The following NECTIN3 variants were observed in gnomAD, a reference collection of about 807,000 sequenced individuals.
NECTIN3 encodes nectin-3.
Under a neutral mutation model 49.4 loss-of-function variants are expected in NECTIN3, and 8 were observed. The observed-to-expected ratio is 0.16, with a 90% CI of 0.10 to 0.29. NECTIN3 has a LOEUF of 0.29. Among genes scored for constraint, NECTIN3 ranks in the 10% least tolerant of loss-of-function variants. The pLI is 1.00. For missense variants in NECTIN3, 581 were observed against 654.6 expected, an observed-to-expected ratio of 0.89 and a Z score of 1.23; for synonymous variants, 277 against 241.1, an observed-to-expected ratio of 1.15 and a Z score of -1.38.
chr3:111,076,957 C>T (rs1009211810), intron 1 of NECTIN3, among the ~76,000 whole-genome samples: 3 of 144,218 alleles, frequency 2.1e-5, no homozygotes, highest in Non-Finnish European at 4.5e-5. Context: ...GCCTGGGTGA[C>T]GGAGCAAGAC....
At chr3:111,155,928 T>TG (rs886431710) in intron 7 of NECTIN3, among the ~76,000 whole-genome samples, 5 of 152,232 alleles carry the variant, frequency 3.3e-5, no homozygotes, top group African/African-American at 1.2e-4. Context: ...AAAATACTAG[T>TG]GGGGAGACTT....
chr3:111,177,634 A>C (rs1381063324), intron 7 of NECTIN3, among the ~76,000 whole-genome samples: 1 of 152,198 alleles, frequency 6.6e-6, no homozygotes, highest in Non-Finnish European at 1.5e-5. Context: ...GGGTGTGTTG[A>C]TGAAACTAAG....
intron 1 of NECTIN3, among the ~76,000 whole-genome samples, chr3:111,073,221 A>G (rs1271815828): frequency 6.6e-6 from 1 of 152,134 alleles, no homozygotes; most frequent in Non-Finnish European, 1.5e-5. Context: ...AGCTTGGTCA[A>G]AGATTGGTTT....
intron 3 of NECTIN3, among the ~76,000 whole-genome samples, chr3:111,120,594 A>G (rs935893052): frequency 2.0e-5 from 3 of 152,126 alleles, no homozygotes; most frequent in Admixed American, 2.0e-4. Context: ...TACCTTATCA[A>G]AAGTTCAATT....
At chr3:111,109,261 A>C (rs1691149059) in intron 1 of NECTIN3, among the ~76,000 whole-genome samples, 1 of 152,164 alleles carries the variant, frequency 6.6e-6, no homozygotes, top group African/African-American at 2.4e-5. Context: ...TCAGAGCTTC[A>C]GAATGAATTT....
intron 5 of NECTIN3, among the ~76,000 whole-genome samples, chr3:111,130,130 G>C (rs1281321253): frequency 6.6e-6 from 1 of 151,734 alleles, no homozygotes; most frequent in African/African-American, 2.4e-5. Context: ...CTAATTTTTT[G>C]TATTTTTAGT....
intron 7 of NECTIN3, among the ~76,000 whole-genome samples, chr3:111,178,528 C>G (rs1176326908): frequency 6.6e-6 from 1 of 152,202 alleles, no homozygotes; most frequent in African/African-American, 2.4e-5. Context: ...GGGAAACTCT[C>G]AGAGTCTCAT....
At chr3:111,074,885 C>A (rs76801807) in intron 1 of NECTIN3, 1 of 149,810 alleles carries the variant, frequency 6.7e-6, no homozygotes, top group East Asian at 1.9e-4. Flanking sequence ...GTTTTTTTTT[C>A]AGGGGACATA....
At chr3:111,146,352 T>C (rs2034875917) in intron 6 of NECTIN3, among the ~76,000 whole-genome samples, 1 of 147,194 alleles carries the variant, frequency 6.8e-6, no homozygotes, top group African/African-American at 2.5e-5. Flanking sequence ...GAGAATGGCG[T>C]GAACCCGGGA....
intron 1 of NECTIN3, among the ~76,000 whole-genome samples, chr3:111,090,816 A>G (rs2032222089): frequency 1.5e-4 from 1 of 6,800 alleles, no homozygotes; most frequent in Admixed American, 1.7e-3. Flanking sequence ...TTACCTTTTT[A>G]AATAGGTTGG....
At chr3:111,091,791 T>C (rs1576085664) in intron 1 of NECTIN3, among the ~76,000 whole-genome samples, 1 of 152,226 alleles carries the variant, frequency 6.6e-6, no homozygotes, top group African/African-American at 2.4e-5. Context: ...TGTGGACATA[T>C]ATTTTTATTT....
At chr3:111,170,713 C>T (rs1388608498) in intron 7 of NECTIN3, among the ~76,000 whole-genome samples, 1 of 152,122 alleles carries the variant, frequency 6.6e-6, no homozygotes, top group Non-Finnish European at 1.5e-5. Flanking sequence ...GCAGTGTGAT[C>T]AGACATTACC....
At chr3:111,157,071 TA>T (rs1445430627) in intron 7 of NECTIN3, among the ~76,000 whole-genome samples, 1 of 152,172 alleles carries the variant, frequency 6.6e-6, no homozygotes, top group Non-Finnish European at 1.5e-5. Flanking sequence ...GCATGTAAAT[TA>T]AAATGTTAAT....
Position 111,135,801 on chromosome 3 carries a change from G to T in NECTIN3, c.*1586G>T. ...AAATAGTGAAAGCTTTATTCTGAAG[G>T]ATTATAAACTAGTTTTCTTCATTTT... On this transcript the variant is annotated 3_prime_UTR_variant, in exon 6 of 6. Transcript: ENST00000485303. 1 of 946,632 alleles carries T rather than the reference G, an allele frequency of 1.1e-6. No individual in the cohort carries two copies. The highest frequency in any genetic ancestry group is 1.3e-6 in the Non-Finnish European group (1 of 795,044). 58.6% of individuals were successfully genotyped at this position (946,632 alleles called of 1,614,324 possible).
intron 1 of NECTIN3, among the ~76,000 whole-genome samples, chr3:111,087,980 G>A (rs919232091): frequency 6.6e-6 from 1 of 152,112 alleles, no homozygotes; most frequent in African/African-American, 2.4e-5. Context: ...TTATAGGTGT[G>A]AGCCACTGTG....
At chr3:111,156,764 C>CCT (rs2035106603) in intron 7 of NECTIN3, among the ~76,000 whole-genome samples, 1 of 152,110 alleles carries the variant, frequency 6.6e-6, no homozygotes, top group Non-Finnish European at 1.5e-5. Flanking sequence ...GACACAGTTA[C>CCT]CTCTCTCTTT....
At chr3:111,154,363 C>T (rs1050986276) in intron 7 of NECTIN3, among the ~76,000 whole-genome samples, 7 of 152,130 alleles carry the variant, frequency 4.6e-5, no homozygotes, top group Non-Finnish European at 5.9e-5. Context: ...ATTCCCTTTA[C>T]GTAGCTATAA....
intron 1 of NECTIN3, among the ~76,000 whole-genome samples, chr3:111,088,034 G>A (rs1203058299): frequency 6.6e-6 from 1 of 152,042 alleles, no homozygotes; most frequent in African/African-American, 2.4e-5. Context: ...AGGTAATATA[G>A]TTGGATGTTT....
chr3:111,099,151 T>A (rs1011745127), intron 1 of NECTIN3, among the ~76,000 whole-genome samples: 3 of 152,158 alleles, frequency 2.0e-5, no homozygotes, highest in Admixed American at 2.0e-4. Context: ...ATGCTACTGA[T>A]CTCCTACAGC....
Sources: gnomAD v4.1 joint callset for allele counts (sites outside exome capture counted in the v4.1 genomes callset) on GRCh38, gnomAD v4.1.1 for gene constraint, MANE v1.5 for transcripts, NCBI Gene and HGNC (gene_info 2026-07-23, HGNC 2026-07-21) for gene names.